Variants in SPEG observed in about 807,000 individuals in gnomAD.
The protein encoded by SPEG is striated muscle preferentially expressed protein kinase.
In SPEG, 114 loss-of-function variants were observed where a neutral mutation model predicts 300.4. The observed-to-expected ratio is 0.38, with a 90% confidence interval of 0.33 to 0.44. The LOEUF is 0.44. Ranked by LOEUF, SPEG falls within the 20% of genes least tolerant of loss-of-function variation. The pLI is 1.00. For missense variants in SPEG, 4,201 were observed against 4,586.2 expected (o/e 0.92, Z 2.43); for synonymous variants, 1,964 against 2,018.9 (o/e 0.97, Z 0.73).
chr2:219,435,907 G>A (rs916348957), intron 1 of SPEG, among the ~76,000 whole-genome samples: 9 of 152,226 alleles, frequency 5.9e-5, no homozygotes, highest in Admixed American at 2.6e-4. Flanking sequence ...GGTTGGCCAC[G>A]TGTGAACAGG....
At position 219,484,528 on chromosome 2, in the gene SPEG, G is replaced by A; in HGVS notation, c.7065G>A (p.Ser2355=). 6.3e-7 allele frequency: 1 copy of A among 1,598,680 alleles called. No individual in the cohort carries two copies. The highest frequency in any genetic ancestry group is 8.5e-7 in the Non-Finnish European group (1 of 1,175,480). ...LSLGLRLLSR[S]RSEERGPFRG... is the part of the protein sequence containing the mutation. Reference sequence around the variant, plus strand: ...TGGGGCTGCGGCTGCTGAGCCGTTCGCGCTCGGAGGAGCGCGGCCCCTTCC... The same window carrying A: ...TGGGGCTGCGGCTGCTGAGCCGTTCACGCTCGGAGGAGCGCGGCCCCTTCC... The change falls in exon 30 of 41, where the codon TCG becomes TCA. Residue 2355 remains serine (S), a synonymous_variant. Coordinates refer to ENST00000312358, the MANE Select transcript of SPEG (RefSeq NM_005876.5).
chr2:219,484,999 C>G lies in SPEG; in HGVS notation c.7536C>G (p.Ala2512=), dbSNP rs1332966636. The part of the protein sequence containing the change: ...RRLGLPHNQL[A]AQAGATTPSA... ...TTGGCCTTCCGCACAACCAGTTGGC[C>G]GCCCAGGCCGGCGCCACCACGCCTT... Residue 2512 remains alanine, a synonymous_variant, in exon 30 of 41, where the codon GCC becomes GCG. Transcript: ENST00000312358. 7.2e-6 allele frequency: 11 copies of G among 1,531,220 alleles called. No individual in the cohort carries two copies. Among genetic ancestry groups the G allele is most frequent in the Non-Finnish European group, 9.6e-6 (11 of 1,145,242 alleles). The allele number at this position is 1,531,220 out of a possible 1,614,324, so 94.9% of individuals were successfully genotyped here.
chr2:219,477,207 G>A lies in SPEG; in HGVS notation c.4561-70G>A. 9.5e-6 allele frequency: 2 copies of A among 209,796 alleles called. No individual in the cohort carries two copies. Among genetic ancestry groups the A allele is most frequent in the East Asian group, 2.2e-4 (2 of 9,298 alleles). 13.0% of individuals were successfully genotyped at this position (209,796 alleles called of 1,614,324 possible). A position where few individuals can be genotyped will look rare whatever the true frequency, so the allele number is the denominator to read the frequency against. On this transcript the variant is annotated intron_variant, in intron 19 of 40. Transcript: ENST00000312358. This position sits in a 1 kb window ranked among gnomAD's most constrained non-coding sequence, Gnocchi z 6.4. ...GTGAGAGATGCGCTGCCCAGAGTAG[G>A]AGATGAGGCCCTGGCCCCAAGGTAG...
intron 38 of SPEG, among the ~76,000 whole-genome samples, chr2:219,491,461 T>G (rs1693965271): frequency 6.6e-6 from 1 of 152,162 alleles, no homozygotes; most frequent in Non-Finnish European, 1.5e-5. Flanking sequence ...TTTTGAAGGC[T>G]TTTAATCTTG....
At chr2:219,467,498 G>A (rs1319947174) in intron 10 of SPEG, 64 bp downstream of exon 10, 2 of 1,534,728 alleles carry the variant, frequency 1.3e-6, no homozygotes, top group Non-Finnish European at 1.8e-6. Flanking sequence ...GGGGACTGGG[G>A]GTGTACAGTA....
chr2:219,460,480 T>G, intron 6 of SPEG: 1 of 985,450 alleles, frequency 1.0e-6, no homozygotes, highest in Non-Finnish European at 1.2e-6. Flanking sequence ...GTGTCCCTAT[T>G]GGCACAGCGC....
chr2:219,491,932 T>G, intron 39 of SPEG, 63 bp downstream of exon 39: 14 of 1,449,988 alleles, frequency 9.7e-6, no homozygotes, highest in Non-Finnish European at 1.3e-5. Context: ...GGACTCACCT[T>G]CTGCCAACAC....
chr2:219,443,904 A>G lies in SPEG; in HGVS notation c.389-749A>G. The G allele has an allele frequency of 1.4e-6, 1 of 717,068 alleles. No individual in the cohort carries two copies. The allele number at this position is 717,068 out of a possible 1,614,324, so 44.4% of individuals were successfully genotyped here. ...TATCTCCCTCCCCACCCATTGCCAC[A>G]GGACACCTCTGGGGACTGGGTGCCT... On this transcript the variant is annotated intron_variant, in intron 1 of 40. Transcript: ENST00000312358. This position sits in a 1 kb window ranked among gnomAD's most constrained non-coding sequence, Gnocchi z 4.6.
intron 1 of SPEG, among the ~76,000 whole-genome samples, chr2:219,436,913 T>C (rs1218685467): frequency 6.6e-6 from 1 of 151,782 alleles, no homozygotes; most frequent in East Asian, 1.9e-4. Flanking sequence ...GTAAGATAGA[T>C]GAGTTGATGA....
chr2:219,472,088 C>CA, intron 14 of SPEG, 101 bp downstream of exon 14: 1 of 1,531,814 alleles, frequency 6.5e-7, no homozygotes, highest in Non-Finnish European at 8.9e-7. Flanking sequence ...CCTTCCCCTC[C>CA]ATCCCCTGGG....
rs1452168139 is a variant in SPEG, at chr2:219,492,658, C to G, written c.9676C>G (p.Leu3226Val). The G allele has an allele frequency of 1.2e-6, 2 of 1,611,190 alleles. No individual in the cohort carries two copies. Among genetic ancestry groups the G allele is most frequent in the African/African-American group, 2.7e-5 (2 of 75,070 alleles). ...PWLQDAYLMKLRRQTLTFTTN... is the reference protein window; with the variant it reads ...PWLQDAYLMKVRRQTLTFTTN... Reference sequence around the variant, plus strand: ...GTTGCAGGACGCCTACCTGATGAAGCTGCGCCGCCAGACGCTCACCTTCAC... The same window carrying G: ...GTTGCAGGACGCCTACCTGATGAAGGTGCGCCGCCAGACGCTCACCTTCAC... The change falls in exon 41 of 41, where the codon CTG becomes GTG. Residue 3226 changes from leucine to valine, a missense_variant. By Grantham distance (32) the Leu-to-Val change is conservative. This residue lies in a region of SPEG where 318 missense variants were observed against 429.5 expected (regional missense o/e 0.74). Transcript: ENST00000312358.
chr2:219,488,702 G>A, intron 33 of SPEG, 37 bp downstream of exon 33: 1 of 1,605,302 alleles, frequency 6.2e-7, no homozygotes, highest in South Asian at 1.1e-5. Flanking sequence ...GGTAGTGATG[G>A]GGATGGTGGG....
At chr2:219,447,833 G>A (rs1689429195) in intron 3 of SPEG, 141 bp from the exon 4 acceptor site, 13 of 749,782 alleles carry the variant, frequency 1.7e-5, no homozygotes, top group Non-Finnish European at 2.8e-5. Flanking sequence ...TCGTGGGGGT[G>A]GGGGTGGGGG....
chr2:219,441,944 C>G (rs1242766293), intron 1 of SPEG: 9 of 273,554 alleles, frequency 3.3e-5, no homozygotes, highest in Middle Eastern at 2.2e-3. Context: ...GCCACCCGCG[C>G]CGGCTCCCGC....
rs1692117225 is a variant in SPEG, at chr2:219,473,924, T to C, written c.4447+21T>C. ...GGCAGGTGGGTGACAGCGGGCCTTC[T>C]TCCTAGCCTCCCTCCAAGGCCCAAA... On this transcript the variant is annotated intron_variant, in intron 18 of 40. Transcript: ENST00000312358. This position sits in a 1 kb window ranked among gnomAD's most constrained non-coding sequence, Gnocchi z 4.6. 1 of 1,590,310 alleles carries C rather than the reference T, an allele frequency of 6.3e-7. No individual in the cohort carries two copies. Among genetic ancestry groups the C allele is most frequent in the Non-Finnish European group, 8.6e-7 (1 of 1,168,140 alleles).
chr2:219,466,885 TCC>T, intron 9 of SPEG: 1 of 1,224,740 alleles, frequency 8.2e-7, no homozygotes, highest in Non-Finnish European at 1.0e-6. Context: ...TGTTTTTTTT[TCC>T]CCCGCCGATG....
At position 219,482,737 on chromosome 2, in the gene SPEG, G is replaced by T. The variant is rs1403768345; in HGVS notation, c.5566-47G>T. 5 of 1,573,536 alleles carry T rather than the reference G, an allele frequency of 3.2e-6. No individual in the cohort carries two copies. In the East Asian group the frequency reaches 9.0e-5, roughly 28 times the overall value. On this transcript the variant is annotated intron_variant, in intron 28 of 40. Transcript: ENST00000312358. ...GTCTCTCTGTTGCCAAACCTGGAGG[G>T]TCTAGGTTGACAGCTTTCCCTCAAG...
chr2:219,482,656 C>T, intron 28 of SPEG, 128 bp from the exon 29 acceptor site: 1 of 753,024 alleles, frequency 1.3e-6, no homozygotes, highest in South Asian at 1.7e-5. Context: ...CCCCCAGGAG[C>T]CCAGACTCAG....
Position 219,443,703 on chromosome 2 carries a change from A to T in SPEG, c.389-950A>T. On this transcript the variant is annotated intron_variant, in intron 1 of 40. Transcript: ENST00000312358. The surrounding 1 kb of genome is among the most constrained non-coding windows in gnomAD (Gnocchi z 4.6). The stretch of plus-strand genomic sequence containing the variant: ...GTAATAGAGGGTGGGCCTGACTCCT[A>T]ATGGGAGGCCCAGGTCTGCGGCTGG... 3.0e-6 allele frequency: 1 copy of T among 336,880 alleles called. No homozygotes were observed. The highest frequency in any genetic ancestry group is 5.9e-6 in the Non-Finnish European group (1 of 169,986). The allele number at this position is 336,880 out of a possible 1,614,324, so 20.9% of individuals were successfully genotyped here.
Sources: allele counts gnomAD v4.1 joint callset (sites outside exome capture counted in the v4.1 genomes callset), GRCh38; gene constraint gnomAD v4.1.1; regional missense constraint gnomAD v4.1.1; non-coding constraint Gnocchi (gnomAD v3.1); transcripts MANE v1.5; gene names NCBI Gene and HGNC (gene_info 2026-07-23, HGNC 2026-07-21).